The following RGS7 variants were observed in gnomAD, a reference collection of about 807,000 sequenced individuals.
RGS7 encodes regulator of G protein signaling 7, also known as regulator of G-protein signaling 7.
A neutral mutation model predicts 81.1 loss-of-function variants in RGS7; 27 were observed. The ratio of observed to expected loss-of-function variants is 0.33; its 90% CI spans 0.25 to 0.46. The LOEUF (loss-of-function observed/expected upper bound fraction) is 0.46. Among genes scored for constraint, RGS7 ranks in the 20% least tolerant of loss-of-function variants. The probability of loss-of-function intolerance (pLI) is 1.00; values close to 1 mark genes in which losing one functional copy is unlikely to be tolerated. For missense variants in RGS7, 396 were observed against 607.4 expected (o/e 0.65, Z 3.66); for synonymous variants, 208 against 207.7 (o/e 1.00, Z -0.01).
At chr1:241,095,617 C>T (rs1190781307) in intron 3 of RGS7, among the ~76,000 whole-genome samples, 1 of 152,128 alleles carries the variant, frequency 6.6e-6, no homozygotes, top group African/African-American at 2.4e-5. Context: ...CACTGCACTC[C>T]AGCCTGGGTG....
chr1:241,222,835 C>A (rs2075094906), intron 2 of RGS7, among the ~76,000 whole-genome samples: 1 of 141,914 alleles, frequency 7.0e-6, no homozygotes, highest in African/African-American at 2.7e-5. Flanking sequence ...CCCTGACAGG[C>A]CCTGGTGTGT....
intron 6 of RGS7, among the ~76,000 whole-genome samples, chr1:240,870,451 CGCCTCA>C (rs1047506005): frequency 6.6e-6 from 1 of 151,926 alleles, no homozygotes; most frequent in African/African-American, 2.4e-5. Flanking sequence ...TTGATCCTTT[CGCCTCA>C]GCCTCCCGAG....
chr1:240,990,714 T>C (rs1686331691), intron 3 of RGS7, among the ~76,000 whole-genome samples: 1 of 152,222 alleles, frequency 6.6e-6, no homozygotes, highest in Non-Finnish European at 1.5e-5. Flanking sequence ...ACTTATGATA[T>C]AAAGCCCTTC....
chr1:241,321,681 AT>A lies in RGS7; in HGVS notation c.78+34017del, dbSNP rs1274703712. Reference sequence around the variant, plus strand: ...TTAAGACATATGTTATATATTTACTATGAACCTTAAAGAATAAACTGCACCT... The same window carrying A: ...TTAAGACATATGTTATATATTTACTAGAACCTTAAAGAATAAACTGCACCT... On this transcript the variant is annotated intron_variant, in intron 2 of 18. Coordinates refer to ENST00000440928, the MANE Select transcript of RGS7 (RefSeq NM_001364886.1). 3.9e-5 allele frequency among the ~76,000 whole-genome samples: 6 copies of A among 152,306 alleles called. No homozygotes were observed. The East Asian group carries it at 1.2e-3, about 29-fold the overall frequency.
intron 3 of RGS7, among the ~76,000 whole-genome samples, chr1:241,057,026 A>G (rs1212538564): frequency 6.6e-6 from 1 of 150,412 alleles, no homozygotes; most frequent in Non-Finnish European, 1.5e-5. Context: ...ATATATGACT[A>G]TTTATTCATG....
intron 16 of RGS7, among the ~76,000 whole-genome samples, chr1:240,801,770 A>G (rs935586604): frequency 2.0e-5 from 3 of 152,210 alleles, no homozygotes; most frequent in Admixed American, 2.0e-4. Context: ...TTCAGCCAAA[A>G]TAAAGTGGAT....
chr1:241,071,933 A>G (rs1188631464), intron 3 of RGS7, among the ~76,000 whole-genome samples: 1 of 150,426 alleles, frequency 6.6e-6, no homozygotes, highest in Non-Finnish European at 1.5e-5. Context: ...ACTATGTGAT[A>G]GTTGTTAATT....
intron 2 of RGS7, among the ~76,000 whole-genome samples, chr1:241,345,232 C>T (rs1000285183): frequency 6.6e-6 from 1 of 152,098 alleles, no homozygotes; most frequent in East Asian, 1.9e-4. Flanking sequence ...TGAGGCCTAT[C>T]GGAGGGTGGA....
intron 2 of RGS7, among the ~76,000 whole-genome samples, chr1:241,168,611 A>G (rs1472022120): frequency 1.3e-5 from 2 of 151,900 alleles, no homozygotes; most frequent in Non-Finnish European, 2.9e-5. Context: ...AGGTTGGGGG[A>G]TTTTGCAGAT....
chr1:241,160,228 A>G (rs2069536392), intron 2 of RGS7, among the ~76,000 whole-genome samples: 1 of 152,140 alleles, frequency 6.6e-6, no homozygotes, highest in Non-Finnish European at 1.5e-5. Context: ...ATTCCATTAC[A>G]CTTGCTTTGT....
intron 3 of RGS7, among the ~76,000 whole-genome samples, chr1:241,089,862 C>CGGGCGTGGTGGT (rs2063757073): frequency 6.6e-6 from 1 of 151,644 alleles, no homozygotes; most frequent in Non-Finnish European, 1.5e-5. Flanking sequence ...AAAAATTAGC[C>CGGGCGTGGTGGT]GGGCGCCTGT....
intron 9 of RGS7, among the ~76,000 whole-genome samples, chr1:240,860,677 G>A (rs1404178904): frequency 6.6e-6 from 1 of 152,138 alleles, no homozygotes; most frequent in Non-Finnish European, 1.5e-5. Context: ...CTACAGGCAA[G>A]ATAGAAGAAA....
At chr1:241,221,003 GA>G (rs59173112) in intron 2 of RGS7, among the ~76,000 whole-genome samples, 2 of 49,222 alleles carry the variant, frequency 4.1e-5, no homozygotes, top group Non-Finnish European at 9.5e-5. Context: ...GGAAGAGAGA[GA>G]GAAAGGAAGG....
intron 6 of RGS7, among the ~76,000 whole-genome samples, chr1:240,903,818 T>C (rs1187436502): frequency 6.6e-6 from 1 of 152,136 alleles, no homozygotes; most frequent in Admixed American, 6.5e-5. Flanking sequence ...AAAAGAGCCT[T>C]GCACTTTCCC....
chr1:240,824,363 G>A (rs1692383301), intron 10 of RGS7, among the ~76,000 whole-genome samples: 1 of 152,240 alleles, frequency 6.6e-6, no homozygotes. Context: ...TGCTTTCAAA[G>A]TTTAAGCATG....
rs571988949 is a variant in RGS7, at chr1:241,248,413, CAT to C, written c.78+107284_78+107285del. Among the ~76,000 whole-genome samples, 331 of 145,538 alleles carry C rather than the reference CAT, an allele frequency of 2.3e-3. 1 individual carries two copies. Among genetic ancestry groups the C allele is most frequent in the African/African-American group, 7.9e-3 (312 of 39,718 alleles). ...ATACATACATATGTATATATATATA[CAT>C]ATATATATAATCAAATAATCTCTGC... is the stretch of plus-strand genomic sequence containing the variant. On this transcript the variant is annotated intron_variant, in intron 2 of 18. Coordinates refer to ENST00000440928, the MANE Select transcript of RGS7 (RefSeq NM_001364886.1).
In RGS7 at chr1:241,245,806, CA is replaced by C. The variant is rs1409659420; in HGVS notation, c.78+109892del. On this transcript the variant is annotated intron_variant, in intron 2 of 18. Transcript: ENST00000440928. ...TGGGCAACACAGCGAGACTCCACCT[CA>C]AAAAACAAACAAACAGGCAGGACGC... 3.4e-5 allele frequency among the ~76,000 whole-genome samples: 5 copies of C among 148,238 alleles called. No individual in the cohort carries two copies. The East Asian group carries it at 1.0e-3, about 30-fold the overall frequency.
chr1:240,992,884 G>C (rs866223230), intron 3 of RGS7, among the ~76,000 whole-genome samples: 1 of 150,978 alleles, frequency 6.6e-6, no homozygotes, highest in Non-Finnish European at 1.5e-5. Flanking sequence ...GCATGGTGGC[G>C]TGCACCTGTA....
chr1:241,167,200 G>A (rs1475686174), intron 2 of RGS7, among the ~76,000 whole-genome samples: 4 of 152,194 alleles, frequency 2.6e-5, no homozygotes, highest in Admixed American at 6.5e-5. Context: ...TTAGATCTTC[G>A]GGCTTGCCTC....
Sources: allele counts gnomAD v4.1 joint callset (sites outside exome capture counted in the v4.1 genomes callset), GRCh38; gene constraint gnomAD v4.1.1; transcripts MANE v1.5; gene names NCBI Gene and HGNC (gene_info 2026-07-23, HGNC 2026-07-21).